The following MRE11 variants were observed in gnomAD, a reference collection of about 807,000 sequenced individuals.
MRE11 encodes the protein double-strand break repair protein MRE11.
A neutral mutation model predicts 91.7 loss-of-function variants in MRE11; 62 were observed. That is an observed-to-expected ratio of 0.68 (90% CI 0.55 to 0.84). The LOEUF is 0.84. Ranked by LOEUF, MRE11 falls within the 40% of genes least tolerant of loss-of-function variation. MRE11 has a pLI of 0.00. For missense variants in MRE11, 796 were observed against 852.9 expected (o/e 0.93, Z 0.83); for synonymous variants, 273 against 271.4 (o/e 1.01, Z -0.06).
intron 14 of MRE11, among the ~76,000 whole-genome samples, chr11:94,452,210 A>AT (rs1946128820): frequency 1.3e-5 from 2 of 151,910 alleles, no homozygotes; most frequent in Admixed American, 6.6e-5. Context: ...AAAAAAAAAA[A>AT]AAAAGAGAAA....
the MRE11 span, among the ~76,000 whole-genome samples, chr11:94,503,775 C>T: frequency 7.2e-6 from 1 of 138,840 alleles, no homozygotes; most frequent in Non-Finnish European, 1.5e-5. Context: ...TGCAGTGAGC[C>T]GAGATCCCGC....
intron 7 of MRE11, chr11:94,473,479 A>G (rs1946769552): frequency 1.3e-5 from 2 of 152,188 alleles, no homozygotes; most frequent in South Asian, 4.1e-4. Flanking sequence ...ACAAGAGAAA[A>G]AAACAGTTGA....
At chr11:94,451,121 T>TAA (rs1005047527) in intron 14 of MRE11, among the ~76,000 whole-genome samples, 1 of 139,562 alleles carries the variant, frequency 7.2e-6, no homozygotes, top group Non-Finnish European at 1.6e-5. Flanking sequence ...TCCGTCTATA[T>TAA]AAAAAAAAAA....
At chr11:94,482,568 T>C (rs1321735337) in intron 4 of MRE11, among the ~76,000 whole-genome samples, 1 of 152,188 alleles carries the variant, frequency 6.6e-6, no homozygotes, top group East Asian at 1.9e-4. Flanking sequence ...AACATGTATA[T>C]AGGGTGGGGA....
rs181836627 is a variant in MRE11, at chr11:94,492,239, C to T, written c.20+543G>A. Among the ~76,000 whole-genome samples the T allele has an allele frequency of 2.8e-3, 432 of 152,244 alleles. 2 individuals are homozygous for T. Among genetic ancestry groups the T allele is most frequent in the African/African-American group, 0.01 (418 of 41,548 alleles). On this transcript the variant is annotated intron_variant, in intron 2 of 19. Transcript: ENST00000323929. The stretch of plus-strand genomic sequence containing the variant: ...GAGTAGCTGGGATTACAGGCATGCG[C>T]CACCACGCCTGGCTAATTTTGTATT...
intron 16 of MRE11, among the ~76,000 whole-genome samples, chr11:94,443,731 G>A (rs1286879066): frequency 3.3e-5 from 5 of 152,124 alleles, no homozygotes; most frequent in Non-Finnish European, 4.4e-5. Flanking sequence ...CTTATTTAAG[G>A]AGAGAAGACA....
intron 14 of MRE11, among the ~76,000 whole-genome samples, chr11:94,454,926 A>C (rs1213219421): frequency 6.6e-6 from 1 of 152,194 alleles, no homozygotes; most frequent in Non-Finnish European, 1.5e-5. Context: ...TTTCTATTTT[A>C]AATGCACCTT....
At chr11:94,483,374 C>T (rs1345181911) in intron 4 of MRE11, among the ~76,000 whole-genome samples, 1 of 152,154 alleles carries the variant, frequency 6.6e-6, no homozygotes, top group Non-Finnish European at 1.5e-5. Context: ...ACCCAAATTT[C>T]ATCTTGTAGC....
In MRE11 at chr11:94,490,843, T is replaced by C; in HGVS notation, c.143A>G (p.Gln48Arg). ...ACAAACCACACTCACTTCATTTTCC[T>C]GGGCAAGTCTTAAAATTTCATCGAG... ...VTLDEILRLAQENEVDFILLG... is the reference protein window; with the variant it reads ...VTLDEILRLARENEVDFILLG... The change falls in exon 3 of 20, where the codon CAG becomes CGG. Residue 48 changes from glutamine to arginine, a missense_variant. By Grantham distance (43) the Gln-to-Arg change is conservative. Coordinates refer to ENST00000323929, the MANE Select transcript of MRE11 (RefSeq NM_005591.4). 6.2e-7 allele frequency: 1 copy of C among 1,613,722 alleles called. No homozygotes were observed. The highest frequency in any genetic ancestry group is 8.5e-7 in the Non-Finnish European group (1 of 1,179,802).
chr11:94,462,856 G>T (rs2135012680), intron 11 of MRE11, among the ~76,000 whole-genome samples: 1 of 152,212 alleles, frequency 6.6e-6, no homozygotes, highest in South Asian at 2.1e-4. Flanking sequence ...ATACCATTCA[G>T]GACAGAGGCA....
intron 7 of MRE11, chr11:94,473,690 G>GA (rs1190624990): frequency 1.3e-5 from 2 of 152,012 alleles, no homozygotes; most frequent in Non-Finnish European, 2.9e-5. Context: ...AAGTAAGTTT[G>GA]AAAAATTAGG....
At chr11:94,489,665 G>T (rs1413577907) in intron 3 of MRE11, among the ~76,000 whole-genome samples, 1 of 152,140 alleles carries the variant, frequency 6.6e-6, no homozygotes, top group Non-Finnish European at 1.5e-5. Flanking sequence ...GGACCTAGCA[G>T]ATAAACTTAA....
In MRE11 at chr11:94,435,414, C is replaced by T. The variant is rs190977153; in HGVS notation, c.1994+418G>A. The stretch of plus-strand genomic sequence containing the variant: ...TACCAAAAATACAAAAAATTAGCCA[C>T]GTGTGGTGGTGCACGTCTGTAATCC... On this transcript the variant is annotated intron_variant, in intron 18 of 19. Transcript: ENST00000323929. Among the ~76,000 whole-genome samples, 35 of 152,030 alleles carry T rather than the reference C, an allele frequency of 2.3e-4. No homozygotes were observed. In the East Asian group the frequency reaches 6.6e-3, roughly 29 times the overall value.
intron 11 of MRE11, 25 bp downstream of exon 11, chr11:94,464,088 T>C (rs2134998991): frequency 6.2e-7 from 1 of 1,607,330 alleles, no homozygotes; most frequent in East Asian, 2.2e-5. Context: ...AACATTTTTT[T>C]ACCTCATAAA....
chr11:94,435,119 G>A (rs1945567884), intron 18 of MRE11, among the ~76,000 whole-genome samples: 1 of 152,190 alleles, frequency 6.6e-6, no homozygotes, highest in East Asian at 1.9e-4. Flanking sequence ...CTGAGTCTAC[G>A]TGATCCCCTT....
chr11:94,454,451 A>G (rs1041861524), intron 14 of MRE11, among the ~76,000 whole-genome samples: 1 of 152,160 alleles, frequency 6.6e-6, no homozygotes, highest in Non-Finnish European at 1.5e-5. Flanking sequence ...TAATTTAAGC[A>G]TGGCGCTGGG....
chr11:94,446,326 GAA>G (rs1945930295), intron 15 of MRE11, among the ~76,000 whole-genome samples: 1 of 152,162 alleles, frequency 6.6e-6, no homozygotes, highest in Non-Finnish European at 1.5e-5. Flanking sequence ...AGAATTGCTT[GAA>G]CCTGGGAGGC....
At chr11:94,461,057 C>G (rs1327681804) in intron 11 of MRE11, 21 bp from the exon 12 acceptor site, 1 of 1,572,306 alleles carries the variant, frequency 6.4e-7, no homozygotes, top group Admixed American at 1.7e-5. Flanking sequence ...AGAAGTATAT[C>G]AAAAAATAGC....
upstream of MRE11, chr11:94,498,366 G>A (rs761471956): frequency 5.0e-6 from 8 of 1,613,280 alleles, no homozygotes; most frequent in Non-Finnish European, 6.8e-6. Context: ...GCTGGGAACA[G>A]AGACAGCAAG....
Sources: gnomAD v4.1 joint callset for allele counts (sites outside exome capture counted in the v4.1 genomes callset) on GRCh38, gnomAD v4.1.1 for gene constraint, MANE v1.5 for transcripts, NCBI Gene and HGNC (gene_info 2026-07-23, HGNC 2026-07-21) for gene names.